The following TOGARAM2 variants were observed in gnomAD, a reference collection of about 807,000 sequenced individuals.
TOGARAM2 encodes TOG array regulator of axonemal microtubules protein 2.
In TOGARAM2, 85 loss-of-function variants were observed where a neutral mutation model predicts 93.3. The observed-to-expected ratio is 0.91, with a 90% CI of 0.76 to 1.09. TOGARAM2 has a LOEUF of 1.09. TOGARAM2 is among the 50% of genes least tolerant of loss of function. The pLI, the probability that TOGARAM2 is intolerant of heterozygous loss-of-function variation, is 0.00. For missense variants in TOGARAM2, 1,277 were observed against 1,334.5 expected, an observed-to-expected ratio of 0.96 and a Z score of 0.67; for synonymous variants, 593 against 552.8, an observed-to-expected ratio of 1.07 and a Z score of -1.02.
chr2:29,033,066 A>G lies in TOGARAM2; in HGVS notation c.2130+15A>G, dbSNP rs372506566. On this transcript the variant is annotated intron_variant, in intron 15 of 19. Coordinates refer to ENST00000379558, the MANE Select transcript of TOGARAM2 (RefSeq NM_199280.4). ...TTAAACAGCAGGTGAGCTGTGGGGCATAAGTGGGTCATGGCCTTTTGGGGG... is the reference window on the plus strand; with the variant it reads ...TTAAACAGCAGGTGAGCTGTGGGGCGTAAGTGGGTCATGGCCTTTTGGGGG... 2.3e-5 allele frequency: 37 copies of G among 1,606,526 alleles called. No homozygotes were observed. Among genetic ancestry groups the G allele is most frequent in the Non-Finnish European group, 3.1e-5 (36 of 1,174,970 alleles).
At chr2:28,983,060 TCACTGCAA>T (rs1672280896) in intron 1 of TOGARAM2, among the ~76,000 whole-genome samples, 1 of 146,710 alleles carries the variant, frequency 6.8e-6, no homozygotes, top group Admixed American at 7.0e-5. Context: ...TGATCTCAGC[TCACTGCAA>T]CCTCTGCCTC....
intron 1 of TOGARAM2, among the ~76,000 whole-genome samples, chr2:28,983,209 T>A (rs1158842251): frequency 0.045 from 3,336 of 74,266 alleles, 60 homozygotes; most frequent in South Asian, 0.069. Flanking sequence ...TTTTTTTTTT[T>A]TTTTTTTTTT....
intron 1 of TOGARAM2, among the ~76,000 whole-genome samples, chr2:28,991,921 A>G (rs1416228405): frequency 1.3e-5 from 2 of 152,156 alleles, no homozygotes; most frequent in Admixed American, 6.6e-5. Flanking sequence ...TGGGAAACGG[A>G]GGCTGAGAGG....
intron 1 of TOGARAM2, among the ~76,000 whole-genome samples, chr2:28,957,926 G>A (rs1314576019): frequency 6.6e-6 from 1 of 152,108 alleles, no homozygotes; most frequent in Non-Finnish European, 1.5e-5. Context: ...TATGGCATAG[G>A]GATGAGTAGG....
At chr2:29,035,212 T>TCC (rs1666013463) in intron 16 of TOGARAM2, among the ~76,000 whole-genome samples, 1 of 150,438 alleles carries the variant, frequency 6.6e-6, no homozygotes, top group South Asian at 2.1e-4. Flanking sequence ...ACTTCCTCAC[T>TCC]CTGACTTCCC....
intron 1 of TOGARAM2, among the ~76,000 whole-genome samples, chr2:28,959,179 C>T (rs1435534127): frequency 1.3e-5 from 2 of 152,196 alleles, no homozygotes. Context: ...AAGTGCCCAG[C>T]TGTCAAGAGA....
intron 1 of TOGARAM2, among the ~76,000 whole-genome samples, chr2:28,991,665 C>T (rs769768363): frequency 6.6e-6 from 1 of 152,172 alleles, no homozygotes; most frequent in Non-Finnish European, 1.5e-5. Context: ...GCAGAGTGGG[C>T]GTGGAGCTGC....
At chr2:29,040,228 A>G (rs951771783) in intron 18 of TOGARAM2, among the ~76,000 whole-genome samples, 1 of 152,098 alleles carries the variant, frequency 6.6e-6, no homozygotes, top group African/African-American at 2.4e-5. Flanking sequence ...TGCTTCTTTC[A>G]TTTAACACTA....
chr2:28,994,709 C>A lies in TOGARAM2; in HGVS notation c.-110-16C>A. ...ATTTGCTTTTACTGACTTCTCCTTT[C>A]TCCTCTCACCCTTAGGTCCCGGATG... On this transcript the variant is annotated splice_polypyrimidine_tract_variant and intron_variant, in intron 1 of 19. Coordinates refer to ENST00000379558, the MANE Select transcript of TOGARAM2 (RefSeq NM_199280.4). 1.1e-6 allele frequency: 1 copy of A among 916,184 alleles called. No individual in the cohort carries two copies. The highest frequency in any genetic ancestry group is 1.7e-6 in the Non-Finnish European group (1 of 594,096). The allele number at this position is 916,184 out of a possible 1,614,324, so 56.8% of individuals were successfully genotyped here. A position where few individuals can be genotyped will look rare whatever the true frequency, so the allele number is the denominator to read the frequency against.
chr2:28,959,899 C>T (rs984120513), intron 1 of TOGARAM2, among the ~76,000 whole-genome samples: 6 of 152,204 alleles, frequency 3.9e-5, no homozygotes, highest in African/African-American at 1.4e-4. Context: ...AAAGAGTGCA[C>T]TGACATAAAC....
intron 1 of TOGARAM2, among the ~76,000 whole-genome samples, chr2:28,969,625 T>C (rs1671916258): frequency 6.6e-6 from 1 of 152,116 alleles, no homozygotes; most frequent in Non-Finnish European, 1.5e-5. Context: ...AGACTCCAGC[T>C]TCCTGACTAC....
chr2:29,025,139 C>T (rs1665267023), intron 13 of TOGARAM2, among the ~76,000 whole-genome samples: 1 of 152,158 alleles, frequency 6.6e-6, no homozygotes, highest in South Asian at 2.1e-4. Flanking sequence ...AGTAATTGCA[C>T]CATAGCATAC....
In TOGARAM2 at chr2:28,982,345, G is replaced by A. The variant is rs73922920; in HGVS notation, c.-111+807G>A. ...CCTCAGAGGGCTGCCATTTCCTCAG[G>A]AGCGCTGGGAGGGGAGGGACTGGGG... On this transcript the variant is annotated intron_variant, in intron 1 of 19. Transcript: ENST00000379558. 2.8e-3 allele frequency among the ~76,000 whole-genome samples: 430 copies of A among 152,272 alleles called. 6 individuals carry two copies. Among genetic ancestry groups the A allele is most frequent in the African/African-American group, 9.7e-3 (405 of 41,542 alleles).
At chr2:28,959,328 A>C (rs1671767117) in intron 1 of TOGARAM2, among the ~76,000 whole-genome samples, 1 of 152,204 alleles carries the variant, frequency 6.6e-6, no homozygotes, top group Non-Finnish European at 1.5e-5. Flanking sequence ...AACTGCATCA[A>C]TTTCCCCATA....
intron 2 of TOGARAM2, among the ~76,000 whole-genome samples, chr2:28,995,176 A>T (rs929929144): frequency 6.6e-6 from 1 of 152,088 alleles, no homozygotes; most frequent in Admixed American, 6.5e-5. Context: ...GGTTATGTGG[A>T]TGGGCAGGGG....
chr2:28,965,689 T>C (rs1392262124), intron 1 of TOGARAM2, among the ~76,000 whole-genome samples: 3 of 152,194 alleles, frequency 2.0e-5, no homozygotes, highest in African/African-American at 7.2e-5. Flanking sequence ...ATGCAGACTT[T>C]TGGTGTTTTT....
chr2:29,003,679 C>A lies in TOGARAM2; in HGVS notation c.827C>A (p.Thr276Lys). 1 of 1,532,212 alleles carries A rather than the reference C, an allele frequency of 6.5e-7. No individual in the cohort carries two copies. The highest frequency in any genetic ancestry group is 8.8e-7 in the Non-Finnish European group (1 of 1,140,506). 94.9% of individuals were successfully genotyped at this position (1,532,212 alleles called of 1,614,324 possible). A position where few individuals can be genotyped will look rare whatever the true frequency, so the allele number is the denominator to read the frequency against. The change falls in exon 6 of 20, where the codon ACG becomes AAG. Residue 276 changes from threonine (T) to lysine (K), a missense_variant. By Grantham distance (78) the Thr-to-Lys change is moderately conservative (BLOSUM62 -1). Coordinates refer to ENST00000379558, the MANE Select transcript of TOGARAM2 (RefSeq NM_199280.4). ...CTCACAGGCCTGAGGGCCCCACGCA[C>A]GCGGTAAGAGCTCCAAGTCAAACCT... is the stretch of plus-strand genomic sequence containing the variant. ...GVLTGLRAPR[T>K]RLARGSGPRE...
intron 19 of TOGARAM2, chr2:29,050,906 T>C (rs907816544): frequency 6.6e-6 from 1 of 152,586 alleles, no homozygotes; most frequent in East Asian, 1.9e-4. Context: ...GGTTGGCAGA[T>C]TCAGCTGGCT....
chr2:28,969,819 T>TTC (rs1161119207), intron 1 of TOGARAM2, among the ~76,000 whole-genome samples: 212 of 150,662 alleles, frequency 1.4e-3, no homozygotes, highest in Non-Finnish European at 2.6e-3. Context: ...TTCCTTTTTT[T>TTC]TTTTTTTTTT....
Sources: allele counts gnomAD v4.1 joint callset (sites outside exome capture counted in the v4.1 genomes callset), GRCh38; gene constraint gnomAD v4.1.1; transcripts MANE v1.5; gene names NCBI Gene and HGNC (gene_info 2026-07-23, HGNC 2026-07-21).